INPP4B: variants seen among roughly 807,000 people sequenced by gnomAD.
The protein encoded by INPP4B is inositol polyphosphate-4-phosphatase type II B, also known as inositol polyphosphate 4-phosphatase type II.
Under a neutral mutation model 122.5 loss-of-function variants are expected in INPP4B, and 55 were observed. That is an observed-to-expected ratio of 0.45 (90% confidence interval 0.36 to 0.56). The LOEUF is 0.56. INPP4B is among the 20% of genes least tolerant of loss of function. INPP4B has a pLI of 0.00. For missense variants in INPP4B, 1,000 were observed against 1,097.7 expected (o/e 0.91, Z 1.26); for synonymous variants, 403 against 388.7 (o/e 1.04, Z -0.43).
chr4:142,732,388 A>G (rs1766231243), intron 1 of INPP4B, among the ~76,000 whole-genome samples: 1 of 152,066 alleles, frequency 6.6e-6, no homozygotes, highest in Non-Finnish European at 1.5e-5. Context: ...AATATCAATG[A>G]AAATAATTTT....
At chr4:142,356,985 T>C (rs747760833) in intron 7 of INPP4B, among the ~76,000 whole-genome samples, 2 of 152,032 alleles carry the variant, frequency 1.3e-5, no homozygotes, top group Non-Finnish European at 2.9e-5. Flanking sequence ...TGAATACAAC[T>C]ATGTGCCAAG....
chr4:142,768,538 A>T (rs1489710331), intron 1 of INPP4B, among the ~76,000 whole-genome samples: 3 of 152,196 alleles, frequency 2.0e-5, no homozygotes, highest in Admixed American at 6.6e-5. Context: ...ATCAGAGTTA[A>T]GTCACAATGA....
intron 5 of INPP4B, chr4:142,427,538 G>T: frequency 6.6e-6 from 4 of 609,906 alleles, no homozygotes; most frequent in South Asian, 2.0e-5. Context: ...TAAACAAACA[G>T]CATAGTTAGG....
chr4:142,330,205 A>T (rs570636934), intron 7 of INPP4B, among the ~76,000 whole-genome samples: 3 of 152,320 alleles, frequency 2.0e-5, no homozygotes, highest in Non-Finnish European at 2.9e-5. Context: ...ATAATGATGC[A>T]TGTGTGGAAG....
intron 18 of INPP4B, among the ~76,000 whole-genome samples, chr4:142,126,635 A>G (rs1798738853): frequency 6.6e-6 from 1 of 152,160 alleles, no homozygotes. Flanking sequence ...ACAGAGCCCT[A>G]TTAATGCATG....
intron 4 of INPP4B, among the ~76,000 whole-genome samples, chr4:142,429,647 G>T (rs2149363023): frequency 6.6e-6 from 1 of 152,066 alleles, no homozygotes; most frequent in East Asian, 1.9e-4. Flanking sequence ...AACAAAAGAG[G>T]TATCTTCAGC....
intron 7 of INPP4B, among the ~76,000 whole-genome samples, chr4:142,383,080 T>TGGATTG (rs1368288367): frequency 3.3e-5 from 5 of 152,128 alleles, no homozygotes; most frequent in Non-Finnish European, 5.9e-5. Context: ...ATTAACAAAA[T>TGGATTG]GGATTGTGTT....
chr4:142,130,803 T>C (rs900354647), intron 18 of INPP4B, among the ~76,000 whole-genome samples: 1 of 152,156 alleles, frequency 6.6e-6, no homozygotes, highest in African/African-American at 2.4e-5. Flanking sequence ...CCAAGACAAA[T>C]GGCTATGACA....
chr4:142,326,281 G>A (rs1183201551), intron 7 of INPP4B, among the ~76,000 whole-genome samples: 1 of 152,164 alleles, frequency 6.6e-6, no homozygotes, highest in African/African-American at 2.4e-5. Flanking sequence ...ACAGACAACA[G>A]TTTTCCTTTA....
rs556833903 is a variant in INPP4B, at chr4:142,117,363, A to G, written c.2136-4681T>C. On this transcript the variant is annotated intron_variant, in intron 21 of 25. Transcript: ENST00000262992. ...GCCTGGCAGAGACACAACAAAAAAA[A>G]GAGAATTTTAGACCAATATCTCTGA... is the stretch of plus-strand genomic sequence containing the variant. Among the ~76,000 whole-genome samples the G allele has an allele frequency of 2.0e-4, 31 of 152,274 alleles. No individual in the cohort carries two copies. In the East Asian group the frequency reaches 3.7e-3, roughly 18 times the overall value.
In INPP4B at chr4:142,291,137, G is replaced by A. The variant is rs1165632415; in HGVS notation, c.503+14321C>T. Among the ~76,000 whole-genome samples, 5 of 152,084 alleles carry A rather than the reference G, an allele frequency of 3.3e-5. No homozygotes were observed. In the East Asian group the frequency reaches 9.7e-4, roughly 29 times the overall value. The stretch of plus-strand genomic sequence containing the variant: ...GAAGGGCTATCTTCCAGGAACATAG[G>A]AATTACCCGATAAAGACCAAAAGCT... On this transcript the variant is annotated intron_variant, in intron 9 of 25. Transcript: ENST00000262992.
At chr4:142,289,571 T>C (rs978496023) in intron 9 of INPP4B, among the ~76,000 whole-genome samples, 1 of 152,154 alleles carries the variant, frequency 6.6e-6, no homozygotes, top group Non-Finnish European at 1.5e-5. Context: ...GTGTGTGTTG[T>C]TTCCCCAACT....
At chr4:142,691,129 C>T (rs565103596) in intron 2 of INPP4B, among the ~76,000 whole-genome samples, 1 of 152,106 alleles carries the variant, frequency 6.6e-6, no homozygotes, top group Non-Finnish European at 1.5e-5. Context: ...TCTCAGCCCC[C>T]CAATGTGTCT....
chr4:142,256,760 G>A (rs1179208315), intron 11 of INPP4B, among the ~76,000 whole-genome samples: 2 of 152,244 alleles, frequency 1.3e-5, no homozygotes, highest in South Asian at 4.1e-4. Flanking sequence ...ATTCACAGCC[G>A]AATTCTACCA....
chr4:142,307,025 A>C (rs1329405562), intron 8 of INPP4B, among the ~76,000 whole-genome samples: 2 of 152,200 alleles, frequency 1.3e-5, no homozygotes, highest in Non-Finnish European at 2.9e-5. Context: ...AGCCTGAAAA[A>C]TCTGAGACCA....
intron 3 of INPP4B, among the ~76,000 whole-genome samples, chr4:142,455,354 T>G (rs1815166869): frequency 6.6e-6 from 1 of 152,012 alleles, no homozygotes; most frequent in African/African-American, 2.4e-5. Context: ...TTCTACCCTC[T>G]AAGTCTAAGA....
intron 25 of INPP4B, among the ~76,000 whole-genome samples, chr4:142,070,551 C>T (rs1243258341): frequency 1.3e-5 from 2 of 152,134 alleles, no homozygotes; most frequent in African/African-American, 4.8e-5. Context: ...CAAATTTCCC[C>T]TGTTTGCAGA....
chr4:142,687,148 A>G (rs561329324), intron 2 of INPP4B, among the ~76,000 whole-genome samples: 1 of 152,174 alleles, frequency 6.6e-6, no homozygotes, highest in African/African-American at 2.4e-5. Context: ...AAAGCACCAA[A>G]CAAAAGAGCA....
intron 2 of INPP4B, among the ~76,000 whole-genome samples, chr4:142,642,118 GT>G (rs891514039): frequency 2.6e-5 from 4 of 152,166 alleles, no homozygotes; most frequent in East Asian, 1.9e-4. Context: ...GGGGTTGTTT[GT>G]TTTTTTCTTG....
Sources: allele counts gnomAD v4.1 joint callset (sites outside exome capture counted in the v4.1 genomes callset), GRCh38; gene constraint gnomAD v4.1.1; transcripts MANE v1.5; gene names NCBI Gene and HGNC (gene_info 2026-07-23, HGNC 2026-07-21).